Variants in RMDN1 observed in about 807,000 individuals in gnomAD.
RMDN1 encodes the protein regulator of microtubule dynamics protein 1.
In RMDN1, 48 loss-of-function variants were observed where a neutral mutation model predicts 48.9. That is an observed-to-expected ratio of 0.98 (90% CI 0.78 to 1.25). RMDN1 has a LOEUF of 1.25. RMDN1 is among the 50% of genes most tolerant of loss of function. RMDN1 has a pLI of 0.00. For missense variants in RMDN1, 418 were observed against 373.4 expected, an observed-to-expected ratio of 1.12 and a Z score of -0.98; for synonymous variants, 148 against 132.6, an observed-to-expected ratio of 1.12 and a Z score of -0.80.
intron 9 of RMDN1, 83 bp downstream of exon 9, chr8:86,474,737 A>G (rs1317920547): frequency 3.2e-6 from 4 of 1,257,382 alleles, no homozygotes; most frequent in Non-Finnish European, 2.3e-6. Context: ...CATTTAGAAA[A>G]TTATGCTTTT....
Position 86,506,988 on chromosome 8 carries a change from T to C in RMDN1, c.247+7A>G, listed in dbSNP as rs1335811991. 1 of 1,489,208 alleles carries C rather than the reference T, an allele frequency of 6.7e-7. No homozygotes were observed. The highest frequency in any genetic ancestry group is 9.3e-7 in the Non-Finnish European group (1 of 1,070,602). The allele number at this position is 1,489,208 out of a possible 1,614,324, so 92.2% of individuals were successfully genotyped here. A position where few individuals can be genotyped will look rare whatever the true frequency, so the allele number is the denominator to read the frequency against. Reference sequence around the variant, plus strand: ...CTAAATGTTCCATATATCTAATTTATGCTTACCTTTGGCTGTGGCATGAAC... The same window carrying C: ...CTAAATGTTCCATATATCTAATTTACGCTTACCTTTGGCTGTGGCATGAAC... On this transcript the variant is annotated splice_region_variant and intron_variant, in intron 2 of 9. Coordinates refer to ENST00000406452, the MANE Select transcript of RMDN1 (RefSeq NM_016033.3).
chr8:86,509,331 A>C (rs1819915475), upstream of RMDN1, among the ~76,000 whole-genome samples: 1 of 152,196 alleles, frequency 6.6e-6, no homozygotes, highest in Non-Finnish European at 1.5e-5. Context: ...AAATTCTTCA[A>C]TAAGATGTTT....
chr8:86,469,134 T>C (rs1020095685), downstream of RMDN1, among the ~76,000 whole-genome samples: 2 of 151,980 alleles, frequency 1.3e-5, no homozygotes, highest in South Asian at 4.2e-4. Context: ...GTTTAGTTGT[T>C]TGTCTTCCAG....
At chr8:86,494,177 T>G (rs535802008) in intron 2 of RMDN1, among the ~76,000 whole-genome samples, 1 of 152,312 alleles carries the variant, frequency 6.6e-6, no homozygotes, top group African/African-American at 2.4e-5. Flanking sequence ...ATTACGTATT[T>G]AGAAATTGCT....
intron 7 of RMDN1, chr8:86,478,500 C>A (rs1434010671): frequency 1.3e-5 from 2 of 153,834 alleles, no homozygotes; most frequent in Non-Finnish European, 2.9e-5. Flanking sequence ...CTTTCATATG[C>A]TTTTTAAAAT....
At position 86,480,257 on chromosome 8, in the gene RMDN1, A is replaced by G. The variant is rs1403674987; in HGVS notation, c.641+20T>C. On this transcript the variant is annotated intron_variant, in intron 6 of 9. Coordinates refer to ENST00000406452, the MANE Select transcript of RMDN1 (RefSeq NM_016033.3). ...ATATCACACTAAATACTACTGAAAT[A>G]TTTAAAGAAATTTTCTTACCAAATA... 1.5e-6 allele frequency: 2 copies of G among 1,368,482 alleles called. No homozygotes were observed. The highest frequency in any genetic ancestry group is 2.0e-6 in the Non-Finnish European group (2 of 987,224). The allele number at this position is 1,368,482 out of a possible 1,614,324, so 84.8% of individuals were successfully genotyped here. A position where few individuals can be genotyped will look rare whatever the true frequency, so the allele number is the denominator to read the frequency against.
In RMDN1 at chr8:86,480,340, G is replaced by A. The variant is rs762859960; in HGVS notation, c.586-8C>T. ...GTTCAGTTCAATTGCTTTCTAACAAGAAATGAGAAAAATAAATCATATTTG... is the reference window on the plus strand; with the variant it reads ...GTTCAGTTCAATTGCTTTCTAACAAAAAATGAGAAAAATAAATCATATTTG... On this transcript the variant is annotated splice_region_variant and splice_polypyrimidine_tract_variant and intron_variant, in intron 5 of 9. Coordinates refer to ENST00000406452, the MANE Select transcript of RMDN1 (RefSeq NM_016033.3). The A allele has an allele frequency of 3.4e-6, 5 of 1,467,094 alleles. No homozygotes were observed. The African/African-American group carries it at 5.6e-5, about 16-fold the overall frequency. 90.9% of individuals were successfully genotyped at this position (1,467,094 alleles called of 1,614,324 possible).
intron 5 of RMDN1, chr8:86,482,581 A>C (rs1238748997): frequency 2.7e-6 from 2 of 749,202 alleles, no homozygotes; most frequent in Non-Finnish European, 5.0e-6. Flanking sequence ...GAAGTTAATG[A>C]GTGAGTTTTT....
intron 5 of RMDN1, chr8:86,482,568 T>G: frequency 1.3e-6 from 1 of 742,550 alleles, no homozygotes. Flanking sequence ...TCAAATTCAC[T>G]AAGAAGTTAA....
rs13042 is a variant in RMDN1 at position 86,472,684 on chromosome 8, G to A, written c.*1624C>T. The A allele has an allele frequency of 0.32, 172,086 of 531,410 alleles. 30,405 individuals carry two copies. The highest frequency in any genetic ancestry group is 0.54 in the East Asian group (17,835 of 33,082). 32.9% of individuals were successfully genotyped at this position (531,410 alleles called of 1,614,324 possible). A position where few individuals can be genotyped will look rare whatever the true frequency, so the allele number is the denominator to read the frequency against. ...TTTTTTTTTTGCCATCCTTGTTCCT[G>A]TGCGAGTTATGTCATATTTTTTACT... On this transcript the variant is annotated 3_prime_UTR_variant, in exon 10 of 10. Coordinates refer to ENST00000406452, the MANE Select transcript of RMDN1 (RefSeq NM_016033.3).
chr8:86,493,433 T>C (rs1170109100), intron 2 of RMDN1, among the ~76,000 whole-genome samples: 1 of 152,194 alleles, frequency 6.6e-6, no homozygotes, highest in Non-Finnish European at 1.5e-5. Context: ...AAGTGCCCGT[T>C]AATAGATGAA....
At chr8:86,503,382 A>C (rs56868676) in intron 2 of RMDN1, among the ~76,000 whole-genome samples, 38,738 of 113,192 alleles carry the variant, frequency 0.34, 6,872 homozygotes, top group East Asian at 0.53. Context: ...AAAAAAAAAA[A>C]AAAAAAACAA....
chr8:86,511,249 C>A (rs188164428), upstream of RMDN1, among the ~76,000 whole-genome samples: 98 of 150,948 alleles, frequency 6.5e-4, 3 homozygotes, highest in Admixed American at 5.0e-3. Context: ...CCAAAGCGGG[C>A]AGATCACGAG....
rs1447578547 is a variant in RMDN1 at position 86,478,773 on chromosome 8, G to A, written c.729+150C>T. On this transcript the variant is annotated intron_variant, in intron 7 of 9. Coordinates refer to ENST00000406452, the MANE Select transcript of RMDN1 (RefSeq NM_016033.3). ...ACCACTCACCAGTCAAGGATAATAA[G>A]TGTTAAGCCTTGTGATAACACAGTT... 1.8e-5 allele frequency: 13 copies of A among 717,916 alleles called. No homozygotes were observed. In the African/African-American group the frequency reaches 2.0e-4, roughly 11 times the overall value. 44.5% of individuals were successfully genotyped at this position (717,916 alleles called of 1,614,324 possible). A position where few individuals can be genotyped will look rare whatever the true frequency, so the allele number is the denominator to read the frequency against.
At chr8:86,512,526 G>A (rs892025924), upstream of RMDN1, among the ~76,000 whole-genome samples, 1 of 152,164 alleles carries the variant, frequency 6.6e-6, no homozygotes, top group Non-Finnish European at 1.5e-5. Context: ...ATCTTAGAGA[G>A]CTCTTTTCAG....
chr8:86,488,527 C>A, intron 3 of RMDN1, 25 bp downstream of exon 3: 1 of 1,504,598 alleles, frequency 6.6e-7, no homozygotes, highest in Admixed American at 1.9e-5. Context: ...AAACCACAAG[C>A]CTAGGCCTAT....
At chr8:86,499,158 G>A (rs1203747930) in intron 2 of RMDN1, among the ~76,000 whole-genome samples, 3 of 152,120 alleles carry the variant, frequency 2.0e-5, no homozygotes, top group Non-Finnish European at 4.4e-5. Flanking sequence ...AATGGAACAA[G>A]ACAAGGATGC....
chr8:86,475,339 A>G (rs1332758469), intron 8 of RMDN1, among the ~76,000 whole-genome samples: 1 of 152,176 alleles, frequency 6.6e-6, no homozygotes, highest in Non-Finnish European at 1.5e-5. Flanking sequence ...GTGAAACATA[A>G]CATACATTCA....
At chr8:86,484,241 T>C (rs1223250302) in intron 5 of RMDN1, among the ~76,000 whole-genome samples, 6 of 152,132 alleles carry the variant, frequency 3.9e-5, no homozygotes, top group East Asian at 1.9e-4. Context: ...ATAATGAAGG[T>C]TGAGCTAGAC....
Sources: allele counts gnomAD v4.1 joint callset (sites outside exome capture counted in the v4.1 genomes callset), GRCh38; gene constraint gnomAD v4.1.1; transcripts MANE v1.5; gene names NCBI Gene and HGNC (gene_info 2026-07-23, HGNC 2026-07-21).